The following PATJ variants were observed in gnomAD, a reference collection of about 807,000 sequenced individuals.
PATJ encodes inaD-like protein.
In PATJ, 190 loss-of-function variants were observed where a neutral mutation model predicts 224.9. The ratio of observed to expected loss-of-function variants is 0.84; its 90% CI spans 0.75 to 0.95. The LOEUF (loss-of-function observed/expected upper bound fraction) is 0.95, where lower values mean the gene tolerates loss of function less well. PATJ is among the 40% of genes least tolerant of loss of function. The pLI is 0.00. For synonymous variants in PATJ, 769 were observed against 820.3 expected (o/e 0.94, Z 1.07); for missense variants, 2,121 against 2,270.3 (o/e 0.93, Z 1.34).
chr1:61,868,079 C>A (rs1177630671), intron 20 of PATJ, among the ~76,000 whole-genome samples: 1 of 152,170 alleles, frequency 6.6e-6, no homozygotes, highest in Non-Finnish European at 1.5e-5. Flanking sequence ...CACCCTCATA[C>A]TTCACTTTAG....
chr1:61,995,704 C>T (rs1330595496), intron 28 of PATJ, among the ~76,000 whole-genome samples: 1 of 152,180 alleles, frequency 6.6e-6, no homozygotes, highest in Non-Finnish European at 1.5e-5. Flanking sequence ...TACTTCCATG[C>T]TAGTAAGAGG....
In PATJ at chr1:61,854,321, C is replaced by T. The variant is rs12563897; in HGVS notation, c.2113-1709C>T. The stretch of plus-strand genomic sequence containing the variant: ...GTGGAACAGCATGTGCATAATGAAA[C>T]AATGGGAGAAGCATAGAGAAACCAA... On this transcript the variant is annotated intron_variant, in intron 17 of 43. Transcript: ENST00000642238. Among the ~76,000 whole-genome samples the T allele has an allele frequency of 3.1e-4, 47 of 152,218 alleles. 1 individual carries two copies. In the East Asian group the frequency reaches 8.9e-3, roughly 29 times the overall value.
chr1:62,128,995 G>A (rs770804311), intron 41 of PATJ, 50 bp downstream of exon 41: 2 of 1,276,224 alleles, frequency 1.6e-6, no homozygotes, highest in Non-Finnish European at 2.3e-6. Flanking sequence ...TAAGTGGCAT[G>A]CAAAAAAGAT....
At chr1:62,153,333 T>A in intron 42 of PATJ, 25 bp from the exon 43 acceptor site, 1 of 1,228,040 alleles carries the variant, frequency 8.1e-7, no homozygotes, top group Non-Finnish European at 1.0e-6. Context: ...ATTCTCGAAT[T>A]AAACAGCATG....
At chr1:62,109,311 A>G (rs1417111416) in intron 34 of PATJ, among the ~76,000 whole-genome samples, 1 of 152,086 alleles carries the variant, frequency 6.6e-6, no homozygotes, top group Non-Finnish European at 1.5e-5. Context: ...CTTACAAATG[A>G]CATCATAGAA....
rs138444151 is a variant in PATJ, at chr1:61,754,671, C to G, written c.-35-8187C>G. 8.9e-3 allele frequency among the ~76,000 whole-genome samples: 1,352 copies of G among 151,936 alleles called. 11 individuals carry two copies. Among genetic ancestry groups the G allele is most frequent in the Non-Finnish European group, 0.013 (883 of 67,964 alleles). On this transcript the variant is annotated intron_variant, in intron 1 of 43. Transcript: ENST00000642238. ...GCCAACGTGCCTGGCCTTATATACT[C>G]GTAAAGCTTTAATCTTCTTCCCTAG...
intron 27 of PATJ, among the ~76,000 whole-genome samples, chr1:61,945,033 T>C (rs186723608): frequency 2.8e-4 from 43 of 152,178 alleles, no homozygotes; most frequent in Middle Eastern, 3.4e-3. Context: ...TGCTAAGAGA[T>C]TTTGTCACCA....
intron 26 of PATJ, among the ~76,000 whole-genome samples, chr1:61,919,968 T>TA (rs1349471160): frequency 3.3e-5 from 5 of 152,204 alleles, no homozygotes; most frequent in Non-Finnish European, 5.9e-5. Flanking sequence ...CAGGTTTTTA[T>TA]AAAAAGTTGA....
chr1:61,796,998 C>T (rs1036701585), intron 10 of PATJ, among the ~76,000 whole-genome samples: 6 of 152,102 alleles, frequency 3.9e-5, no homozygotes, highest in African/African-American at 1.4e-4. Context: ...TCCCGAGTAG[C>T]TGGGTCTGCA....
At chr1:61,999,422 C>T (rs772677425) in intron 28 of PATJ, among the ~76,000 whole-genome samples, 1 of 152,132 alleles carries the variant, frequency 6.6e-6, no homozygotes, top group Non-Finnish European at 1.5e-5. Context: ...AAGAGAGGCA[C>T]TTTGGGAGGC....
chr1:61,920,242 G>C (rs749787583), intron 26 of PATJ, among the ~76,000 whole-genome samples: 1 of 152,064 alleles, frequency 6.6e-6, no homozygotes, highest in Non-Finnish European at 1.5e-5. Context: ...CCACTGATAC[G>C]GTTTGGCAGT....
In PATJ at chr1:62,062,490, C is replaced by CTT. The variant is rs139480388; in HGVS notation, c.4125+11457_4125+11458dup. Among the ~76,000 whole-genome samples the CTT allele has an allele frequency of 1.7e-4, 6 of 35,804 alleles. 1 individual carries two copies. Among genetic ancestry groups the CTT allele is most frequent in the South Asian group, 2.9e-3 (2 of 690 alleles). The allele number at this position is 35,804 out of a possible 152,430, so 23.5% of individuals were successfully genotyped here. Reference sequence around the variant, plus strand: ...TGGTGTGGTCATAGCCCACAGCAACCTTTTTTTTTTTTTTTTTTTTTTTTT... The same window carrying CTT: ...TGGTGTGGTCATAGCCCACAGCAACCTTTTTTTTTTTTTTTTTTTTTTTTTTT... On this transcript the variant is annotated intron_variant, in intron 31 of 43. Transcript: ENST00000642238.
chr1:61,787,720 T>C, intron 7 of PATJ, 34 bp from the exon 8 acceptor site: 1 of 1,514,550 alleles, frequency 6.6e-7, no homozygotes. Context: ...TTACAGCATT[T>C]ATTTCTCAAA....
chr1:61,843,719 C>CAAA (rs60980933), intron 17 of PATJ, among the ~76,000 whole-genome samples: 1,658 of 109,900 alleles, frequency 0.015, 13 homozygotes, highest in Non-Finnish European at 0.022. Context: ...GATCAGGTCT[C>CAAA]AAAAAAAAAA....
intron 6 of PATJ, among the ~76,000 whole-genome samples, chr1:61,771,872 A>G (rs1384527201): frequency 6.6e-6 from 1 of 151,622 alleles, no homozygotes; most frequent in Non-Finnish European, 1.5e-5. Flanking sequence ...GGCGCCCACC[A>G]TCACACTTGG....
intron 1 of PATJ, among the ~76,000 whole-genome samples, chr1:61,751,080 CAATGT>C (rs1423519462): frequency 6.6e-6 from 1 of 151,130 alleles, no homozygotes; most frequent in Non-Finnish European, 1.5e-5. Context: ...CCACTCACTG[CAATGT>C]CTGCCTCATG....
chr1:61,794,468 T>G (rs1650615765), intron 9 of PATJ, among the ~76,000 whole-genome samples: 1 of 152,166 alleles, frequency 6.6e-6, no homozygotes, highest in Non-Finnish European at 1.5e-5. Context: ...TTGAGTTTAT[T>G]TGGAAATAAA....
chr1:62,160,976 G>T lies in PATJ; in HGVS notation c.5571G>T (p.Leu1857=), dbSNP rs1230788249. 2 of 1,613,312 alleles carry T rather than the reference G, an allele frequency of 1.2e-6. No individual in the cohort carries two copies. The highest frequency in any genetic ancestry group is 1.7e-6 in the Non-Finnish European group (2 of 1,179,816). Residue 1857 remains leucine (L), a synonymous_variant, in exon 44 of 44, where the codon CTG becomes CTT. Coordinates refer to ENST00000642238, the MANE Select transcript of PATJ (RefSeq NM_001350145.3). ...DQILAVNGET[L]EGVTHEQAVA... ...TTTTAGCTGTTAATGGCGAGACCCTGGAAGGTGTTACTCATGAGCAAGCAG... is the reference window on the plus strand; with the variant it reads ...TTTTAGCTGTTAATGGCGAGACCCTTGAAGGTGTTACTCATGAGCAAGCAG...
At chr1:62,012,678 A>C (rs1646521912) in intron 28 of PATJ, among the ~76,000 whole-genome samples, 1 of 151,500 alleles carries the variant, frequency 6.6e-6, no homozygotes, top group East Asian at 1.9e-4. Flanking sequence ...AACTGCTTGA[A>C]TAGTTGGAAG....
Sources: gnomAD v4.1 joint callset for allele counts (sites outside exome capture counted in the v4.1 genomes callset) on GRCh38, gnomAD v4.1.1 for gene constraint, MANE v1.5 for transcripts, NCBI Gene and HGNC (gene_info 2026-07-23, HGNC 2026-07-21) for gene names.